GNAZ: variants seen among roughly 807,000 people sequenced by gnomAD.
GNAZ encodes G protein subunit alpha z, also known as guanine nucleotide-binding protein G(z) subunit alpha.
Under a neutral mutation model 25.4 loss-of-function variants are expected in GNAZ, and 3 were observed. The observed-to-expected ratio is 0.12, with a 90% CI of 0.05 to 0.30. GNAZ has a LOEUF of 0.30. Ranked by LOEUF, GNAZ falls within the 10% of genes least tolerant of loss-of-function variation. The pLI is 1.00. For synonymous variants in GNAZ, 211 were observed against 205.7 expected (o/e 1.03, Z -0.22); for missense variants, 241 against 501.8 (o/e 0.48, Z 4.97).
Position 23,096,303 on chromosome 22 carries a change from G to A in GNAZ, c.608G>A (p.Gly203Glu), listed in dbSNP as rs1423293042. The A allele has an allele frequency of 3.7e-6, 6 of 1,613,924 alleles. No homozygotes were observed. The highest frequency in any genetic ancestry group is 1.7e-5 in the Admixed American group (1 of 60,004). The change falls in exon 2 of 3, where the codon GGG (glycine) becomes GAG (glutamate). Residue 203 changes from glycine to glutamate, a missense_variant. Physicochemically the swap from Gly to Glu is moderately conservative, Grantham distance 98. Coordinates refer to ENST00000615612, the MANE Select transcript of GNAZ (RefSeq NM_002073.4). ...KELTFKMVDV[G>E]GQRSERKKWI... is the part of the protein sequence containing the mutation. ...CTCACCTTCAAGATGGTGGACGTGG[G>A]GGGGCAGAGGTCAGAGCGCAAAAAG... is the stretch of plus-strand genomic sequence containing the variant.
At chr22:23,123,027 T>C in intron 2 of GNAZ, 60 bp from the exon 3 acceptor site, 1 of 1,134,862 alleles carries the variant, frequency 8.8e-7, no homozygotes, top group Non-Finnish European at 1.3e-6. Flanking sequence ...GGGCTGCAGG[T>C]CTAGGGTCTG....
At chr22:23,105,185 C>G (rs893417502) in intron 2 of GNAZ, among the ~76,000 whole-genome samples, 1 of 152,244 alleles carries the variant, frequency 6.6e-6, no homozygotes, top group South Asian at 2.1e-4. Context: ...ACACCTTTTC[C>G]TGGCCTGTGG....
chr22:23,084,940 A>T (rs1169346593), intron 1 of GNAZ, among the ~76,000 whole-genome samples: 1 of 152,206 alleles, frequency 6.6e-6, no homozygotes, highest in African/African-American at 2.4e-5. Context: ...GCCATTGCAC[A>T]CTGGAGGTTA....
intron 1 of GNAZ, among the ~76,000 whole-genome samples, chr22:23,082,482 G>C (rs2146276876): frequency 6.6e-6 from 1 of 151,202 alleles, no homozygotes; most frequent in Non-Finnish European, 1.5e-5. Context: ...GCCTCCCAAA[G>C]TGCTGGGATT....
intron 1 of GNAZ, among the ~76,000 whole-genome samples, chr22:23,089,948 G>T (rs1161713327): frequency 3.9e-5 from 6 of 152,170 alleles, no homozygotes; most frequent in Admixed American, 3.9e-4. Flanking sequence ...GCCCACTAGG[G>T]CTTCTTGGCC....
At chr22:23,119,489 C>T (rs1030756908) in intron 2 of GNAZ, among the ~76,000 whole-genome samples, 10 of 152,354 alleles carry the variant, frequency 6.6e-5, no homozygotes, top group Middle Eastern at 3.4e-3. Context: ...AACAAACCCA[C>T]GATGCAGCTC....
intron 1 of GNAZ, among the ~76,000 whole-genome samples, chr22:23,083,822 C>T (rs1166304926): frequency 2.0e-5 from 3 of 152,218 alleles, no homozygotes; most frequent in South Asian, 2.1e-4. Flanking sequence ...TGTTCAAGGT[C>T]GCGCGGGCCA....
At chr22:23,106,852 C>G (rs1225979753) in intron 2 of GNAZ, among the ~76,000 whole-genome samples, 1 of 152,230 alleles carries the variant, frequency 6.6e-6, no homozygotes, top group Non-Finnish European at 1.5e-5. Context: ...ACCTGGACAT[C>G]CCGCTGCTGC....
intron 2 of GNAZ, among the ~76,000 whole-genome samples, chr22:23,107,836 T>C (rs2069528255): frequency 6.6e-6 from 1 of 152,172 alleles, no homozygotes; most frequent in Non-Finnish European, 1.5e-5. Context: ...ATCAAATGCC[T>C]CTTCAGTCTG....
In GNAZ at chr22:23,083,311, G is replaced by T. The variant is rs186807235; in HGVS notation, c.-449-11936G>T. On this transcript the variant is annotated intron_variant, in intron 1 of 2. Coordinates refer to ENST00000615612, the MANE Select transcript of GNAZ (RefSeq NM_002073.4). ...GGGAATCCAGTAGAGCTGGCCCACA[G>T]AGTCCCAGGGATATCACGGGCTCCA... Among the ~76,000 whole-genome samples the T allele has an allele frequency of 1.8e-3, 269 of 152,212 alleles. 1 individual carries two copies. Among genetic ancestry groups the T allele is most frequent in the African/African-American group, 4.8e-3 (201 of 41,522 alleles).
intron 2 of GNAZ, among the ~76,000 whole-genome samples, chr22:23,115,055 G>A (rs1312296714): frequency 1.3e-5 from 2 of 152,164 alleles, no homozygotes; most frequent in Admixed American, 6.5e-5. Context: ...TGAGGTTTGA[G>A]GCCCCTAGTT....
chr22:23,090,047 C>G (rs6003502), intron 1 of GNAZ, among the ~76,000 whole-genome samples: 19 of 151,918 alleles, frequency 1.3e-4, no homozygotes, highest in African/African-American at 4.4e-4. Flanking sequence ...ACACCCTTCA[C>G]GCTGCAAACA....
At chr22:23,091,393 C>T (rs1302302941) in intron 1 of GNAZ, among the ~76,000 whole-genome samples, 1 of 152,058 alleles carries the variant, frequency 6.6e-6, no homozygotes, top group Non-Finnish European at 1.5e-5. Flanking sequence ...CCTGCATACA[C>T]ACAGGCACCT....
chr22:23,123,506 C>A lies in GNAZ; in HGVS notation c.*75C>A. 1.1e-6 allele frequency: 1 copy of A among 928,768 alleles called. No homozygotes were observed. Among genetic ancestry groups the A allele is most frequent in the Non-Finnish European group, 1.7e-6 (1 of 605,890 alleles). 57.5% of individuals were successfully genotyped at this position (928,768 alleles called of 1,614,324 possible). A position where few individuals can be genotyped will look rare whatever the true frequency, so the allele number is the denominator to read the frequency against. ...ATGCCCCAACGCGTGCTAGAGAGGC[C>A]CAATCCAGGGGCAGAAAACAGGGGG... On this transcript the variant is annotated 3_prime_UTR_variant, in exon 3 of 3. Transcript: ENST00000615612.
intron 1 of GNAZ, among the ~76,000 whole-genome samples, chr22:23,079,209 G>A (rs890000256): frequency 1.3e-5 from 2 of 152,246 alleles, no homozygotes; most frequent in Non-Finnish European, 2.9e-5. Flanking sequence ...CATGCTTGGG[G>A]CAAGGCAGCA....
At chr22:23,108,920 G>A (rs1222389183) in intron 2 of GNAZ, among the ~76,000 whole-genome samples, 1 of 152,218 alleles carries the variant, frequency 6.6e-6, no homozygotes, top group East Asian at 1.9e-4. Context: ...GACATGCTGT[G>A]CATGCTACAG....
At position 23,089,295 on chromosome 22, in the gene GNAZ, G is replaced by A. The variant is rs113536837; in HGVS notation, c.-449-5952G>A. On this transcript the variant is annotated intron_variant, in intron 1 of 2. Coordinates refer to ENST00000615612, the MANE Select transcript of GNAZ (RefSeq NM_002073.4). ...TGCCTCAGCCGGGGGCACTGACTCT[G>A]TGCTGTGCTGGCTGTTGTGGAGGAG... Among the ~76,000 whole-genome samples, 737 of 152,326 alleles carry A rather than the reference G, an allele frequency of 4.8e-3. 6 individuals carry two copies. Among genetic ancestry groups the A allele is most frequent in the Non-Finnish European group, 8.6e-3 (583 of 68,018 alleles).
At position 23,072,325 on chromosome 22, in the gene GNAZ, G is replaced by A. The variant is rs563946302; in HGVS notation, c.-450+1755G>A. Among the ~76,000 whole-genome samples the A allele has an allele frequency of 3.3e-5, 5 of 152,192 alleles. No homozygotes were observed. The East Asian group carries it at 5.8e-4, about 18-fold the overall frequency. The stretch of plus-strand genomic sequence containing the variant: ...GCAGTGGGGGTGTGGATGGCCTGGC[G>A]GTGCTTGGATAAAATATGCGCCTTG... On this transcript the variant is annotated intron_variant, in intron 1 of 2. Transcript: ENST00000615612.
chr22:23,086,636 G>A (rs1036813574), intron 1 of GNAZ, among the ~76,000 whole-genome samples: 4 of 152,296 alleles, frequency 2.6e-5, no homozygotes, highest in Middle Eastern at 3.4e-3. Flanking sequence ...ACCCTCCCCG[G>A]GGCCCAGCCC....
Sources: gnomAD v4.1 joint callset for allele counts (sites outside exome capture counted in the v4.1 genomes callset) on GRCh38, gnomAD v4.1.1 for gene constraint, MANE v1.5 for transcripts, NCBI Gene and HGNC (gene_info 2026-07-23, HGNC 2026-07-21) for gene names.